Variants in TYW3 observed in about 807,000 individuals in gnomAD.
The protein encoded by TYW3 is tRNA wybutosine-synthesizing protein 3 homolog.
A neutral mutation model predicts 23.1 loss-of-function variants in TYW3; 26 were observed. The observed-to-expected ratio is 1.13, with a 90% CI of 0.83 to 1.56. The LOEUF (loss-of-function observed/expected upper bound fraction) is 1.56, where lower values mean the gene tolerates loss of function less well. Among genes scored for constraint, TYW3 ranks in the 40% most tolerant of loss-of-function variants. The pLI is 0.00. For synonymous variants in TYW3, 102 were observed against 105.7 expected (o/e 0.97, Z 0.21); for missense variants, 316 against 311.9 (o/e 1.01, Z -0.10).
chr1:74,751,178 T>G (rs1443312670), intron 4 of TYW3: 3 of 152,186 alleles, frequency 2.0e-5, no homozygotes, highest in African/African-American at 7.2e-5. Flanking sequence ...ATTGCTGCCT[T>G]TCCCATAAAG....
chr1:74,736,478 C>T (rs1648156787), intron 1 of TYW3, 64 bp from the exon 2 acceptor site: 2 of 1,162,282 alleles, frequency 1.7e-6, no homozygotes, highest in Admixed American at 4.5e-5. Context: ...ATATACTATG[C>T]ATTATGCTTA....
chr1:74,758,453 A>G (rs1037795241), intron 5 of TYW3, among the ~76,000 whole-genome samples: 1 of 151,638 alleles, frequency 6.6e-6, no homozygotes, highest in African/African-American at 2.4e-5. Context: ...ATCATCATTT[A>G]CCAGCCATTT....
chr1:74,737,090 ATAAGTT>A (rs1648180443), intron 2 of TYW3, among the ~76,000 whole-genome samples: 1 of 152,248 alleles, frequency 6.6e-6, no homozygotes. Flanking sequence ...AGATGAATTC[ATAAGTT>A]TTTATCAGCC....
intron 3 of TYW3, among the ~76,000 whole-genome samples, chr1:74,748,065 T>G (rs1474333392): frequency 3.9e-5 from 6 of 152,180 alleles, no homozygotes; most frequent in Admixed American, 6.5e-5. Context: ...TCCTGTATAA[T>G]GGAGAATGTT....
At chr1:74,756,138 C>T (rs376793013) in intron 5 of TYW3, among the ~76,000 whole-genome samples, 35 of 152,236 alleles carry the variant, frequency 2.3e-4, no homozygotes, top group African/African-American at 6.7e-4. Flanking sequence ...GTAAATTGCC[C>T]GGTCTCGGGT....
At chr1:74,751,086 AC>A (rs1357021833) in intron 4 of TYW3, 2 of 152,004 alleles carry the variant, frequency 1.3e-5, no homozygotes, top group Admixed American at 6.6e-5. Context: ...TGTTGGGATT[AC>A]AGGCGTGAGC....
chr1:74,736,725 T>C lies in TYW3; in HGVS notation c.255+103T>C, dbSNP rs959507105. Reference sequence around the variant, plus strand: ...TCAAGGTAATTTATATGCAGAGTTATAATGGCTGAAGATTATAAAACCTAG... The same window carrying C: ...TCAAGGTAATTTATATGCAGAGTTACAATGGCTGAAGATTATAAAACCTAG... On this transcript the variant is annotated intron_variant, in intron 2 of 5. Coordinates refer to ENST00000370867, the MANE Select transcript of TYW3 (RefSeq NM_138467.3). The C allele has an allele frequency of 5.7e-6, 5 of 884,432 alleles. No homozygotes were observed. In the African/African-American group the frequency reaches 8.6e-5, roughly 15 times the overall value. 54.8% of individuals were successfully genotyped at this position (884,432 alleles called of 1,614,324 possible). A position where few individuals can be genotyped will look rare whatever the true frequency, so the allele number is the denominator to read the frequency against.
At chr1:74,741,137 C>T (rs1375853636) in intron 3 of TYW3, among the ~76,000 whole-genome samples, 1 of 152,084 alleles carries the variant, frequency 6.6e-6, no homozygotes, top group Non-Finnish European at 1.5e-5. Flanking sequence ...AGTCCTATCA[C>T]AAAGAGTATG....
In TYW3 at chr1:74,757,853, C is replaced by T. The variant is rs116577902; in HGVS notation, c.560+5428C>T. The stretch of plus-strand genomic sequence containing the variant: ...TCATGAGATCTGATGGTTTTAAAAA[C>T]GGGAGTCTTCCTGCACAAGCTCACT... On this transcript the variant is annotated intron_variant, in intron 5 of 5. Coordinates refer to ENST00000370867, the MANE Select transcript of TYW3 (RefSeq NM_138467.3). Among the ~76,000 whole-genome samples the T allele has an allele frequency of 2.3e-3, 355 of 152,196 alleles. 5 individuals are homozygous for T. Among genetic ancestry groups the T allele is most frequent in the African/African-American group, 8.0e-3 (334 of 41,548 alleles).
At chr1:74,756,908 C>A (rs1648973233) in intron 5 of TYW3, among the ~76,000 whole-genome samples, 1 of 152,200 alleles carries the variant, frequency 6.6e-6, no homozygotes, top group Admixed American at 6.5e-5. Flanking sequence ...TGTGTCCCAG[C>A]CACTCAAGCC....
At chr1:74,758,775 C>CT (rs1224366618) in intron 5 of TYW3, among the ~76,000 whole-genome samples, 1 of 152,040 alleles carries the variant, frequency 6.6e-6, no homozygotes, top group Admixed American at 6.6e-5. Context: ...AATTGCACAT[C>CT]TTTTTTTTCC....
Position 74,764,024 on chromosome 1 carries a change from T to C in TYW3, c.691T>C (p.Cys231Arg), listed in dbSNP as rs768398945. 3.1e-6 allele frequency: 5 copies of C among 1,613,144 alleles called. No individual in the cohort carries two copies. The highest frequency in any genetic ancestry group is 3.3e-5 in the Admixed American group (2 of 59,902). Reference sequence around the variant, plus strand: ...AAACCCAGAAAAAACACGTGCCCAGTGTATTACTAAAGAAAGTGATGAAGA... The same window carrying C: ...AAACCCAGAAAAAACACGTGCCCAGCGTATTACTAAAGAAAGTGATGAAGA... The part of the protein sequence containing the change: ...KRNPEKTRAQ[C>R]ITKESDEELE... The change falls in exon 6 of 6, where the codon TGT becomes CGT. Residue 231 changes from cysteine to arginine, a missense_variant. Physicochemically the swap from Cys to Arg is radical, Grantham distance 180. Transcript: ENST00000370867.
chr1:74,733,436 C>T lies in TYW3; in HGVS notation c.174+18C>T. 1 of 1,613,266 alleles carries T rather than the reference C, an allele frequency of 6.2e-7. No homozygotes were observed. The highest frequency in any genetic ancestry group is 2.2e-5 in the East Asian group (1 of 44,878). ...TTGACCGGGTGAGGCCCCTTTGCGC[C>T]TGTCCATCGCCTGCCTTCTAGTGCG... On this transcript the variant is annotated intron_variant, in intron 1 of 5. Coordinates refer to ENST00000370867, the MANE Select transcript of TYW3 (RefSeq NM_138467.3).
chr1:74,750,557 C>T (rs1467367768), intron 4 of TYW3, among the ~76,000 whole-genome samples: 1 of 151,918 alleles, frequency 6.6e-6, no homozygotes, highest in African/African-American at 2.4e-5. Context: ...GAGCAAGACT[C>T]TGTCTCAAAA....
intron 5 of TYW3, among the ~76,000 whole-genome samples, chr1:74,756,377 G>C (rs1394116778): frequency 6.6e-6 from 1 of 152,180 alleles, no homozygotes; most frequent in East Asian, 1.9e-4. Flanking sequence ...TAATGATATG[G>C]ACAAGGAAAT....
At chr1:74,753,258 G>T (rs1648850854) in intron 5 of TYW3, among the ~76,000 whole-genome samples, 1 of 152,074 alleles carries the variant, frequency 6.6e-6, no homozygotes, top group Admixed American at 6.6e-5. Context: ...TATCTCTTCA[G>T]TCATTCTGTC....
At chr1:74,748,651 A>G in intron 3 of TYW3, 100 bp from the exon 4 acceptor site, 4 of 1,250,996 alleles carry the variant, frequency 3.2e-6, no homozygotes, top group Non-Finnish European at 4.5e-6. Context: ...AAAAACCTTA[A>G]TAGCTTTTAG....
In TYW3 at chr1:74,738,776, T is replaced by C. The variant is rs1228644679; in HGVS notation, c.342T>C (p.Asp114=). The change falls in exon 3 of 6, where the codon GAT becomes GAC. Residue 114 remains aspartate, a synonymous_variant. Transcript: ENST00000370867. ...ATGTGCAGTGTCGACAATTGCAGGA[T>C]GCACAGATTCTGGTAAAATTTTGTT... The part of the protein sequence containing the change: ...VLHVQCRQLQ[D]AQILHSMAID... 1 of 1,609,658 alleles carries C rather than the reference T, an allele frequency of 6.2e-7. No homozygotes were observed. Among genetic ancestry groups the C allele is most frequent in the Non-Finnish European group, 8.5e-7 (1 of 1,176,678 alleles).
At chr1:74,744,066 C>G (rs28810187) in intron 3 of TYW3, among the ~76,000 whole-genome samples, 30,439 of 151,832 alleles carry the variant, frequency 0.2, 4,283 homozygotes, top group East Asian at 0.71. Context: ...TTTTTGTGGT[C>G]CTTTGGAGAT....
Sources: gnomAD v4.1 joint callset for allele counts (sites outside exome capture counted in the v4.1 genomes callset) on GRCh38, gnomAD v4.1.1 for gene constraint, MANE v1.5 for transcripts, NCBI Gene and HGNC (gene_info 2026-07-23, HGNC 2026-07-21) for gene names.